OSBPL6: variants seen among roughly 807,000 people sequenced by gnomAD.
OSBPL6 encodes oxysterol binding protein like 6, also known as oxysterol-binding protein-related protein 6.
In OSBPL6, 49 loss-of-function variants were observed where a neutral mutation model predicts 125.8. The ratio of observed to expected loss-of-function variants is 0.39; its 90% CI spans 0.31 to 0.49. The LOEUF (loss-of-function observed/expected upper bound fraction) is 0.49. Among genes scored for constraint, OSBPL6 ranks in the 20% least tolerant of loss-of-function variants. The pLI is 0.88. For missense variants in OSBPL6, 986 were observed against 1,135.4 expected (o/e 0.87, Z 1.89); for synonymous variants, 394 against 391.8 (o/e 1.01, Z -0.07).
chr2:178,218,860 C>T (rs932032455), intron 1 of OSBPL6, among the ~76,000 whole-genome samples: 1 of 152,084 alleles, frequency 6.6e-6, no homozygotes, highest in African/African-American at 2.4e-5. Context: ...GAACTCCTGA[C>T]CTCGTGATCT....
chr2:178,249,948 C>T (rs1460628662), intron 1 of OSBPL6, among the ~76,000 whole-genome samples: 2 of 150,700 alleles, frequency 1.3e-5, no homozygotes, highest in Non-Finnish European at 2.9e-5. Flanking sequence ...TACTAGACAT[C>T]TTTGTTAAGG....
chr2:178,261,073 A>C (rs1345397853), intron 1 of OSBPL6, among the ~76,000 whole-genome samples: 1 of 152,020 alleles, frequency 6.6e-6, no homozygotes, highest in Non-Finnish European at 1.5e-5. Context: ...TGGAGGTTGC[A>C]GTGAGCCGAG....
At chr2:178,373,418 C>A (rs887527671) in intron 14 of OSBPL6, among the ~76,000 whole-genome samples, 2 of 152,070 alleles carry the variant, frequency 1.3e-5, no homozygotes, top group African/African-American at 4.8e-5. Flanking sequence ...GTTCAATATT[C>A]CAGTCATGTG....
intron 1 of OSBPL6, among the ~76,000 whole-genome samples, chr2:178,219,834 A>G (rs1338645585): frequency 1.3e-5 from 2 of 152,152 alleles, no homozygotes; most frequent in African/African-American, 4.8e-5. Flanking sequence ...GTGGACAATA[A>G]ATCCTAGCAG....
At chr2:178,238,955 T>C (rs1297192776) in intron 1 of OSBPL6, among the ~76,000 whole-genome samples, 1 of 152,234 alleles carries the variant, frequency 6.6e-6, no homozygotes, top group African/African-American at 2.4e-5. Context: ...TTTCCAAATA[T>C]AGATTTGTCT....
At chr2:178,294,829 A>T (rs1685596309) in intron 2 of OSBPL6, among the ~76,000 whole-genome samples, 1 of 151,014 alleles carries the variant, frequency 6.6e-6, no homozygotes, top group Non-Finnish European at 1.5e-5. Flanking sequence ...GGCACGGCTG[A>T]ATTGAGCTAA....
rs1375438576 is a variant in OSBPL6 at position 178,331,624 on chromosome 2, A to T, written c.372+19A>T. On this transcript the variant is annotated intron_variant, in intron 6 of 24. Coordinates refer to ENST00000190611, the MANE Select transcript of OSBPL6 (RefSeq NM_032523.4). ...ACTCGATGTAAGTAGCACACAGGAC[A>T]TGTTTCAAAGGTTGATTTCGAATTC... The T allele has an allele frequency of 1.9e-6, 3 of 1,613,332 alleles. No individual in the cohort carries two copies. The highest frequency in any genetic ancestry group is 2.5e-6 in the Non-Finnish European group (3 of 1,179,296).
chr2:178,196,059 A>T (rs544653482), intron 1 of OSBPL6, among the ~76,000 whole-genome samples: 1 of 151,546 alleles, frequency 6.6e-6, no homozygotes, highest in East Asian at 1.9e-4. Context: ...GGGTACTGCA[A>T]GCTCACAACG....
At chr2:178,274,418 A>C (rs1202152764) in intron 1 of OSBPL6, among the ~76,000 whole-genome samples, 1 of 152,142 alleles carries the variant, frequency 6.6e-6, no homozygotes, top group African/African-American at 2.4e-5. Context: ...CTATATATAA[A>C]TAAACTAATA....
chr2:178,377,038 C>T (rs761647399), intron 15 of OSBPL6, among the ~76,000 whole-genome samples: 40 of 152,202 alleles, frequency 2.6e-4, no homozygotes, highest in Admixed American at 5.2e-4. Flanking sequence ...AGCTAAGGCT[C>T]GGTTTCTGGG....
chr2:178,293,242 C>T (rs1349313028), intron 2 of OSBPL6, among the ~76,000 whole-genome samples: 1 of 152,032 alleles, frequency 6.6e-6, no homozygotes, highest in Non-Finnish European at 1.5e-5. Context: ...TACAGTGTTG[C>T]TTAGATTTAC....
At chr2:178,346,078 T>G (rs950420686) in intron 11 of OSBPL6, among the ~76,000 whole-genome samples, 17 of 141,996 alleles carry the variant, frequency 1.2e-4, no homozygotes, top group Admixed American at 2.3e-4. Context: ...TACTCCAGGA[T>G]CTATAGCTTT....
intron 13 of OSBPL6, 40 bp from the exon 14 acceptor site, chr2:178,372,086 A>T (rs1369326754): frequency 1.4e-6 from 2 of 1,444,334 alleles, no homozygotes; most frequent in African/African-American, 2.8e-5. Context: ...ATGCTTGCTT[A>T]TTAATTTTAA....
intron 19 of OSBPL6, among the ~76,000 whole-genome samples, chr2:178,386,760 A>G (rs1694973766): frequency 6.6e-6 from 1 of 151,948 alleles, no homozygotes; most frequent in South Asian, 2.1e-4. Context: ...CCGCACACAC[A>G]CTGTTCCAGG....
intron 9 of OSBPL6, among the ~76,000 whole-genome samples, chr2:178,338,632 G>C (rs754300112): frequency 3.3e-5 from 5 of 152,170 alleles, no homozygotes; most frequent in Non-Finnish European, 7.3e-5. Flanking sequence ...GCATGTTAGA[G>C]GAGCAGGTAG....
Position 178,328,294 on chromosome 2 carries a change from A to G in OSBPL6, c.234A>G (p.Ile78Met). The change falls in exon 5 of 25, where the codon ATA becomes ATG. Residue 78 changes from isoleucine to methionine, a missense_variant. Coordinates refer to ENST00000190611, the MANE Select transcript of OSBPL6 (RefSeq NM_032523.4). ...GGGAAATTATAGAAGGGCTGAAAAT[A>G]GGCCAAACCAATGTCCAGAAACCAG... Reference protein sequence around the residue: ...DSWEIIEGLKIGQTNVQKPDK... With the variant: ...DSWEIIEGLKMGQTNVQKPDK... 1.9e-6 allele frequency: 3 copies of G among 1,613,968 alleles called. No homozygotes were observed. The highest frequency in any genetic ancestry group is 2.5e-6 in the Non-Finnish European group (3 of 1,179,864).
intron 12 of OSBPL6, among the ~76,000 whole-genome samples, chr2:178,354,820 T>A (rs1691616221): frequency 6.6e-6 from 1 of 151,932 alleles, no homozygotes; most frequent in South Asian, 2.1e-4. Context: ...ATTCTAAAAT[T>A]GACCACATAA....
At chr2:178,219,827 G>T (rs551886372) in intron 1 of OSBPL6, among the ~76,000 whole-genome samples, 2 of 152,212 alleles carry the variant, frequency 1.3e-5, no homozygotes, top group Admixed American at 6.5e-5. Context: ...CTGAACTGTG[G>T]ACAATAAATC....
chr2:178,231,247 T>C (rs552096432), intron 1 of OSBPL6, among the ~76,000 whole-genome samples: 7 of 152,168 alleles, frequency 4.6e-5, no homozygotes, highest in Non-Finnish European at 8.8e-5. Context: ...ACAAAGCACA[T>C]AGGGAAAGCT....
Sources: allele counts gnomAD v4.1 joint callset (sites outside exome capture counted in the v4.1 genomes callset), GRCh38; gene constraint gnomAD v4.1.1; transcripts MANE v1.5; gene names NCBI Gene and HGNC (gene_info 2026-07-23, HGNC 2026-07-21).